Variants in SYNE2 observed in about 807,000 individuals in gnomAD.
SYNE2 encodes the protein nesprin-2.
SYNE2 carries 431 observed loss-of-function variants against 856.3 expected under a neutral mutation model. That is an observed-to-expected ratio of 0.50 (90% CI 0.47 to 0.55). The LOEUF (loss-of-function observed/expected upper bound fraction) is 0.55. Ranked by LOEUF, SYNE2 falls within the 20% of genes least tolerant of loss-of-function variation. The pLI, the probability that SYNE2 is intolerant of heterozygous loss-of-function variation, is 0.00. For synonymous variants in SYNE2, 2,923 were observed against 2,872.3 expected, an observed-to-expected ratio of 1.02 and a Z score of -0.56; for missense variants, 8,129 against 8,023.2, an observed-to-expected ratio of 1.01 and a Z score of -0.50.
chr14:64,123,219 G>C (rs899205753), intron 70 of SYNE2, among the ~76,000 whole-genome samples: 1 of 152,192 alleles, frequency 6.6e-6, no homozygotes. Context: ...TGGCCAATCG[G>C]TGTTCCCTGT....
At chr14:63,957,099 T>G (rs1056999570) in intron 8 of SYNE2, among the ~76,000 whole-genome samples, 8 of 152,080 alleles carry the variant, frequency 5.3e-5, no homozygotes, top group Admixed American at 3.3e-4. Context: ...TGTTGTGGCA[T>G]GTATCAATAC....
chr14:64,037,870 G>T (rs2097107354), intron 45 of SYNE2, among the ~76,000 whole-genome samples: 1 of 151,266 alleles, frequency 6.6e-6, no homozygotes, highest in Non-Finnish European at 1.5e-5. Context: ...CTCCCGGACG[G>T]GGCGGCTGGC....
chr14:63,966,201 A>G (rs1382226405), intron 10 of SYNE2, among the ~76,000 whole-genome samples: 5 of 152,110 alleles, frequency 3.3e-5, no homozygotes, highest in South Asian at 4.2e-4. Context: ...AGCTACTTTC[A>G]CACTACAACC....
At position 64,128,483 on chromosome 14, in the gene SYNE2, TTAAGAG is replaced by T. The variant is rs1482149377; in HGVS notation, c.13955_13960del (p.Ser4652_Lys4653del). On this transcript the variant is annotated inframe_deletion, in exon 74 of 116. Transcript: ENST00000555002. ...ATAAAGAGATTATATCATCAGCTCA[TTAAGAG>T]TAAGACATCTTTACAACAGTCTTTG... The T allele has an allele frequency of 6.2e-7, 1 of 1,604,054 alleles. No individual in the cohort carries two copies. Among genetic ancestry groups the T allele is most frequent in the East Asian group, 2.2e-5 (1 of 44,836 alleles).
At position 63,961,212 on chromosome 14, in the gene SYNE2, C is replaced by T. The variant is rs78237250; in HGVS notation, c.788-313C>T. On this transcript the variant is annotated intron_variant, in intron 8 of 115. Coordinates refer to ENST00000555002, the MANE Select transcript of SYNE2 (RefSeq NM_182914.3). ...TAGAAAGAGGAATGCTTTATTTTCT[C>T]CTCTTCATCCTCTCTGACTACTTAT... 1.4e-4 allele frequency among the ~76,000 whole-genome samples: 21 copies of T among 152,318 alleles called. No individual in the cohort carries two copies. In the East Asian group the frequency reaches 3.5e-3, roughly 25 times the overall value.
rs188432544 is a variant in SYNE2, at chr14:64,222,477, G to A, written c.20191-712G>A. Among the ~76,000 whole-genome samples, 12 of 152,286 alleles carry A rather than the reference G, an allele frequency of 7.9e-5. 1 individual carries two copies. The highest frequency in any genetic ancestry group is 2.6e-4 in the African/African-American group (11 of 41,560). On this transcript the variant is annotated intron_variant, in intron 112 of 115. Transcript: ENST00000555002. ...CCCAGCACTTTGGGAGCCTGAGACG[G>A]GCGGATCGCCTGAGGTCAGGAGTTC...
intron 1 of SYNE2, among the ~76,000 whole-genome samples, chr14:63,798,856 G>A (rs992822546): frequency 2.0e-5 from 3 of 152,066 alleles, no homozygotes; most frequent in African/African-American, 7.2e-5. Context: ...TTCTAATGGA[G>A]GGAAAAAAGG....
chr14:64,087,093 T>A (rs1184498635), intron 57 of SYNE2, among the ~76,000 whole-genome samples: 17 of 98,436 alleles, frequency 1.7e-4, no homozygotes, highest in Admixed American at 4.9e-4. Context: ...TGATAATTGG[T>A]AAAAAAAAAA....
intron 112 of SYNE2, among the ~76,000 whole-genome samples, chr14:64,222,649 C>A (rs1244853969): frequency 6.6e-6 from 1 of 152,164 alleles, no homozygotes; most frequent in Non-Finnish European, 1.5e-5. Context: ...TCGCTTGAAC[C>A]CAGGAGGCGG....
chr14:63,997,002 T>A lies in SYNE2; in HGVS notation c.2996T>A (p.Leu999Gln). 6.2e-7 allele frequency: 1 copy of A among 1,614,132 alleles called. No individual in the cohort carries two copies. Among genetic ancestry groups the A allele is most frequent in the Non-Finnish European group, 8.5e-7 (1 of 1,180,008 alleles). ...LYQLNHHMEVLRELCEELPSQ... is the reference protein window; with the variant it reads ...LYQLNHHMEVQRELCEELPSQ... ...CAGCTTAATCACCACATGGAAGTCC[T>A]GAGGGAGCTGTGTGAAGAGCTGCCT... The change falls in exon 24 of 116, where the codon CTG (leucine) becomes CAG (glutamine). Residue 999 changes from leucine to glutamine, a missense_variant. Physicochemically the swap from Leu to Gln is moderately radical, Grantham distance 113. Coordinates refer to ENST00000555002, the MANE Select transcript of SYNE2 (RefSeq NM_182914.3).
At chr14:64,107,728 A>G (rs1595570012) in intron 65 of SYNE2, 121 bp downstream of exon 65, 1 of 845,492 alleles carries the variant, frequency 1.2e-6, no homozygotes, top group East Asian at 2.4e-5. Context: ...GTGAACTTTA[A>G]CATATGAAGA....
At chr14:63,796,862 G>A (rs1253328114) in intron 1 of SYNE2, among the ~76,000 whole-genome samples, 3 of 151,992 alleles carry the variant, frequency 2.0e-5, no homozygotes, top group African/African-American at 4.8e-5. Context: ...GGCAGATCAC[G>A]AGGTCAGGAG....
intron 70 of SYNE2, among the ~76,000 whole-genome samples, 162 bp from the exon 71 acceptor site, chr14:64,124,917 C>T (rs1259413233): frequency 6.6e-6 from 1 of 152,176 alleles, no homozygotes; most frequent in African/African-American, 2.4e-5. Flanking sequence ...GTAGGAGAAT[C>T]TCTTGAACAT....
chr14:64,161,060 T>C (rs2098325521), intron 87 of SYNE2, among the ~76,000 whole-genome samples: 1 of 152,124 alleles, frequency 6.6e-6, no homozygotes, highest in African/African-American at 2.4e-5. Flanking sequence ...AAAAGTTAAA[T>C]GGGCCAGGCA....
intron 2 of SYNE2, among the ~76,000 whole-genome samples, chr14:63,913,232 G>T (rs950039617): frequency 4.6e-5 from 7 of 152,066 alleles, no homozygotes; most frequent in African/African-American, 1.7e-4. Context: ...ACCATACCTG[G>T]CCCTGAGAGT....
chr14:63,937,542 G>A (rs1410819206), intron 2 of SYNE2, among the ~76,000 whole-genome samples: 1 of 152,278 alleles, frequency 6.6e-6, no homozygotes, highest in East Asian at 1.9e-4. Context: ...AGATGAGTGG[G>A]TGGGAAGCAA....
chr14:63,919,896 G>A (rs1481483821), intron 2 of SYNE2, among the ~76,000 whole-genome samples: 1 of 151,038 alleles, frequency 6.6e-6, no homozygotes, highest in African/African-American at 2.4e-5. Context: ...ACGAGGAAGT[G>A]GAGAGAGTCA....
chr14:64,161,521 C>T (rs1595909504), intron 87 of SYNE2, among the ~76,000 whole-genome samples: 1 of 151,980 alleles, frequency 6.6e-6, no homozygotes, highest in African/African-American at 2.4e-5. Flanking sequence ...TCTCTATAAA[C>T]TGGGAGCCTC....
At chr14:63,966,652 G>C (rs750830688) in intron 10 of SYNE2, among the ~76,000 whole-genome samples, 1 of 149,654 alleles carries the variant, frequency 6.7e-6, no homozygotes, top group Non-Finnish European at 1.5e-5. Flanking sequence ...TCTGCCTCCT[G>C]GGCTCAAGCC....
Sources: allele counts gnomAD v4.1 joint callset (sites outside exome capture counted in the v4.1 genomes callset), GRCh38; gene constraint gnomAD v4.1.1; transcripts MANE v1.5; gene names NCBI Gene and HGNC (gene_info 2026-07-23, HGNC 2026-07-21).